The following PTPRS variants were observed in gnomAD, a reference collection of about 807,000 sequenced individuals.
The protein encoded by PTPRS is protein tyrosine phosphatase receptor type S.
In PTPRS, 63 loss-of-function variants were observed where a neutral mutation model predicts 215.3. That is an observed-to-expected ratio of 0.29 (90% CI 0.24 to 0.36). The LOEUF (loss-of-function observed/expected upper bound fraction) is 0.36. PTPRS is among the 10% of genes least tolerant of loss of function. PTPRS has a pLI of 1.00. For missense variants in PTPRS, 2,258 were observed against 2,825.8 expected, an observed-to-expected ratio of 0.80 and a Z score of 4.56; for synonymous variants, 1,404 against 1,191.4, an observed-to-expected ratio of 1.18 and a Z score of -3.68.
chr19:5,209,254 G>T (rs1391138724), intron 35 of PTPRS, among the ~76,000 whole-genome samples: 1 of 151,970 alleles, frequency 6.6e-6, no homozygotes, highest in Non-Finnish European at 1.5e-5. Context: ...CCACCCAGTG[G>T]TGCCATCCAA....
chr19:5,334,405 T>TA (rs1487451091), intron 1 of PTPRS, among the ~76,000 whole-genome samples: 8 of 152,244 alleles, frequency 5.3e-5, no homozygotes, highest in Non-Finnish European at 4.4e-5. Context: ...TTACACACGT[T>TA]AACTCATTTC....
intron 14 of PTPRS, 52 bp downstream of exon 14, chr19:5,231,258 G>T (rs547888358): frequency 1.3e-6 from 2 of 1,526,962 alleles, no homozygotes; most frequent in Middle Eastern, 4.4e-4. Context: ...GCTTCGAGGC[G>T]GGGGCCGGGC....
chr19:5,330,826 G>A (rs1484593788), intron 1 of PTPRS, among the ~76,000 whole-genome samples: 2 of 151,976 alleles, frequency 1.3e-5, no homozygotes. Flanking sequence ...AAAAAGTCCT[G>A]GGACCTGGCA....
chr19:5,306,568 C>T (rs1363704765), intron 1 of PTPRS, among the ~76,000 whole-genome samples: 1 of 152,272 alleles, frequency 6.6e-6, no homozygotes, highest in East Asian at 1.9e-4. Context: ...TAGGATCTTC[C>T]GTGGCAAGGC....
intron 1 of PTPRS, among the ~76,000 whole-genome samples, 161 bp downstream of exon 1, chr19:5,340,503 C>A (rs1006331146): frequency 2.0e-5 from 3 of 151,434 alleles, no homozygotes; most frequent in African/African-American, 7.3e-5. Context: ...GCTGGGCGTG[C>A]AACTGGCTGC....
intron 1 of PTPRS, among the ~76,000 whole-genome samples, chr19:5,290,916 C>T (rs2048761160): frequency 6.6e-6 from 1 of 151,926 alleles, no homozygotes; most frequent in African/African-American, 2.4e-5. Flanking sequence ...TCCACTCAAG[C>T]AGGGACAGGC....
intron 10 of PTPRS, 51 bp downstream of exon 10, chr19:5,245,725 G>T: frequency 6.6e-7 from 1 of 1,509,240 alleles, no homozygotes; most frequent in African/African-American, 1.4e-5. Context: ...TGAAGTCGGG[G>T]ATCGACTCCA....
rs917942080 is a variant in PTPRS at position 5,243,406 on chromosome 19, G to C, written c.1570+495C>G. Among the ~76,000 whole-genome samples, 5 of 152,116 alleles carry C rather than the reference G, an allele frequency of 3.3e-5. No homozygotes were observed. In the East Asian group the frequency reaches 7.7e-4, roughly 24 times the overall value. ...TCGCCTCCGACTCCCAAAATGCTGG[G>C]GTTACAGGTGTGAGCCACCGCCTCC... On this transcript the variant is annotated intron_variant, in intron 11 of 37. Transcript: ENST00000262963.
chr19:5,294,734 G>A lies in PTPRS; in HGVS notation c.-94-8500C>T, dbSNP rs1002246922. On this transcript the variant is annotated intron_variant, in intron 1 of 37. Transcript: ENST00000262963. This position sits in a 1 kb window ranked among gnomAD's most constrained non-coding sequence, Gnocchi z 5.1. The stretch of plus-strand genomic sequence containing the variant: ...TTCCCTCCTCTGCAAAATGGAGCAT[G>A]GAATCGCCCCGCCCCATCTCCAACA... 1.3e-5 allele frequency: 2 copies of A among 152,204 alleles called. No individual in the cohort carries two copies. The highest frequency in any genetic ancestry group is 4.8e-5 in the African/African-American group (2 of 41,432). The allele number at this position is 152,204 out of a possible 1,614,324, so 9.4% of individuals were successfully genotyped here.
At chr19:5,222,577 C>G (rs1398387856) in intron 18 of PTPRS, 112 bp downstream of exon 18, 2 of 1,238,392 alleles carry the variant, frequency 1.6e-6, no homozygotes, top group Non-Finnish European at 2.1e-6. Flanking sequence ...TGAGTGACCA[C>G]GAGGAAGCAG....
chr19:5,224,244 G>A (rs1357132371), intron 17 of PTPRS, among the ~76,000 whole-genome samples: 2 of 152,132 alleles, frequency 1.3e-5, no homozygotes, highest in Admixed American at 6.5e-5. Flanking sequence ...AGAAAGAGAG[G>A]GAACCACGAG....
chr19:5,332,627 G>A (rs1385939586), intron 1 of PTPRS, among the ~76,000 whole-genome samples: 1 of 152,208 alleles, frequency 6.6e-6, no homozygotes, highest in Non-Finnish European at 1.5e-5. Context: ...TCCTGCCTCG[G>A]TTTCTCCCTT....
chr19:5,335,057 A>C (rs2050449707), intron 1 of PTPRS, among the ~76,000 whole-genome samples: 1 of 151,846 alleles, frequency 6.6e-6, no homozygotes. Flanking sequence ...CTTCCCCAGA[A>C]CCCCTGAATT....
intron 1 of PTPRS, among the ~76,000 whole-genome samples, chr19:5,288,241 G>A (rs1280846558): frequency 6.6e-6 from 1 of 152,168 alleles, no homozygotes; most frequent in Non-Finnish European, 1.5e-5. Context: ...CCGGCACACT[G>A]TCAGACTATA....
intron 9 of PTPRS, among the ~76,000 whole-genome samples, chr19:5,248,401 A>G (rs2146045116): frequency 6.7e-6 from 1 of 149,578 alleles, no homozygotes; most frequent in African/African-American, 2.4e-5. Context: ...AAAAAAAAAA[A>G]TCATGGAATG....
chr19:5,230,462 T>C (rs1471408318), intron 14 of PTPRS, among the ~76,000 whole-genome samples: 1 of 152,134 alleles, frequency 6.6e-6, no homozygotes, highest in Non-Finnish European at 1.5e-5. Context: ...CATGCTCAGC[T>C]AATACGTTTT....
intron 2 of PTPRS, among the ~76,000 whole-genome samples, chr19:5,281,377 CT>C (rs1481072734): frequency 6.6e-6 from 1 of 152,122 alleles, no homozygotes; most frequent in Non-Finnish European, 1.5e-5. Context: ...AGGAGAATTG[CT>C]TGAATCCAGG....
intron 11 of PTPRS, 113 bp downstream of exon 11, chr19:5,243,788 A>T: frequency 1.0e-6 from 1 of 994,466 alleles, no homozygotes; most frequent in African/African-American, 1.7e-5. Context: ...CTAGCATGAA[A>T]ATATCTTAAA....
chr19:5,210,322 G>T lies in PTPRS; in HGVS notation c.5487+147C>A. 8.6e-7 allele frequency: 1 copy of T among 1,162,084 alleles called. No individual in the cohort carries two copies. Among genetic ancestry groups the T allele is most frequent in the Non-Finnish European group, 1.2e-6 (1 of 809,384 alleles). The allele number at this position is 1,162,084 out of a possible 1,614,324, so 72.0% of individuals were successfully genotyped here. A position where few individuals can be genotyped will look rare whatever the true frequency, so the allele number is the denominator to read the frequency against. ...CTCTTCCACCTATGTGGCAGTAGAA[G>T]CAAGTGGCCAACTGGTCAGCTGACA... On this transcript the variant is annotated intron_variant, in intron 35 of 37. Transcript: ENST00000262963. This position sits in a 1 kb window ranked among gnomAD's most constrained non-coding sequence, Gnocchi z 4.5.
Sources: allele counts gnomAD v4.1 joint callset (sites outside exome capture counted in the v4.1 genomes callset), GRCh38; gene constraint gnomAD v4.1.1; non-coding constraint Gnocchi (gnomAD v3.1); transcripts MANE v1.5; gene names NCBI Gene and HGNC (gene_info 2026-07-23, HGNC 2026-07-21).